The following CDH23 variants were observed in gnomAD, a reference collection of about 807,000 sequenced individuals.
The protein encoded by CDH23 is cadherin related 23.
A neutral mutation model predicts 317.1 loss-of-function variants in CDH23; 189 were observed. The observed-to-expected ratio is 0.60, with a 90% confidence interval of 0.53 to 0.67. CDH23 has a LOEUF of 0.67. Ranked by LOEUF, CDH23 falls within the 30% of genes least tolerant of loss-of-function variation. The pLI is 0.00. For missense variants in CDH23, 4,401 were observed against 4,592.4 expected, an observed-to-expected ratio of 0.96 and a Z score of 1.20; for synonymous variants, 1,839 against 1,876.8, an observed-to-expected ratio of 0.98 and a Z score of 0.52.
chr10:71,726,478 C>CT (rs1334290076), intron 30 of CDH23, among the ~76,000 whole-genome samples: 3 of 152,204 alleles, frequency 2.0e-5, no homozygotes, highest in Non-Finnish European at 4.4e-5. Context: ...GACCCAGCTC[C>CT]TGCTGACACC....
chr10:71,448,314 G>T (rs1213107918), intron 3 of CDH23, among the ~76,000 whole-genome samples: 1 of 152,238 alleles, frequency 6.6e-6, no homozygotes, highest in Non-Finnish European at 1.5e-5. Flanking sequence ...GCTCTTGATT[G>T]TCTTTTGCAA....
At chr10:71,505,849 A>G (rs976406439) in intron 3 of CDH23, among the ~76,000 whole-genome samples, 1 of 152,250 alleles carries the variant, frequency 6.6e-6, no homozygotes, top group African/African-American at 2.4e-5. Context: ...TAAACATAGA[A>G]TTACTGTATG....
intron 19 of CDH23, among the ~76,000 whole-genome samples, chr10:71,688,939 AGCCAACG>A (rs1865044264): frequency 1.9e-5 from 2 of 106,546 alleles, no homozygotes; most frequent in African/African-American, 3.1e-5. Context: ...GGGGTGGTGG[AGCCAACG>A]GTGGTGGAGT....
intron 3 of CDH23, among the ~76,000 whole-genome samples, chr10:71,454,829 A>G (rs991119126): frequency 6.9e-6 from 1 of 144,688 alleles, no homozygotes; most frequent in Non-Finnish European, 1.5e-5. Context: ...TACATACTAT[A>G]TTTTTTTTAC....
intron 9 of CDH23, among the ~76,000 whole-genome samples, chr10:71,610,260 C>T (rs1860794694): frequency 6.6e-6 from 1 of 152,228 alleles, no homozygotes. Context: ...ACCTCGGCCT[C>T]CCAATGTGCT....
rs755360604 is a variant in CDH23, at chr10:71,809,827, G to A, written c.8730G>A (p.Met2910Ile). Residue 2910 changes from methionine (M) to isoleucine (I), a missense_variant, in exon 61 of 70, where the codon ATG becomes ATA. By Grantham distance (10) the Met-to-Ile change is conservative (BLOSUM62 1). Around this residue, in one of 3 missense-constraint regions of CDH23, gnomAD observed 1,144 missense variants for 1,138.2 expected, o/e 1.01. Coordinates refer to ENST00000224721, the MANE Select transcript of CDH23 (RefSeq NM_022124.6). ...DVGQVFTMGSMDGILRTFDLF... is the reference protein window; with the variant it reads ...DVGQVFTMGSIDGILRTFDLF... ...CCTTTGGGCTTCCTGCAGGGAGCAT[G>A]GACGGCATTCTGCGCACCTTCGACC... The A allele has an allele frequency of 6.8e-6, 11 of 1,612,106 alleles. No homozygotes were observed. Among genetic ancestry groups the A allele is most frequent in the Non-Finnish European group, 9.3e-6 (11 of 1,179,152 alleles).
chr10:71,742,165 A>G (rs1839755152), intron 38 of CDH23: 1 of 553,950 alleles, frequency 1.8e-6, no homozygotes, highest in South Asian at 2.5e-5. Flanking sequence ...AGCTCTGTTT[A>G]GTCCTCTTTT....
chr10:71,592,118 TAAG>T (rs1859533073), intron 9 of CDH23, among the ~76,000 whole-genome samples: 1 of 152,104 alleles, frequency 6.6e-6, no homozygotes, highest in South Asian at 2.1e-4. Flanking sequence ...TGGGCCAAGC[TAAG>T]GAGTGTGGAT....
At chr10:71,417,054 C>A (rs1279050507) in intron 1 of CDH23, among the ~76,000 whole-genome samples, 3 of 104,764 alleles carry the variant, frequency 2.9e-5, no homozygotes, top group Non-Finnish European at 6.2e-5. Context: ...TCTTTTTTGT[C>A]TTTTCCTTTC....
In CDH23 at chr10:71,794,070, C is replaced by T. The variant is rs1268093806; in HGVS notation, c.6712+430C>T. Reference sequence around the variant, plus strand: ...AGGCTGGAGTGCAATGGTGCAATCTCGGCTCACTGCAACCCCTGCCTCCTG... The same window carrying T: ...AGGCTGGAGTGCAATGGTGCAATCTTGGCTCACTGCAACCCCTGCCTCCTG... On this transcript the variant is annotated intron_variant, in intron 48 of 69. Coordinates refer to ENST00000224721, the MANE Select transcript of CDH23 (RefSeq NM_022124.6). Among the ~76,000 whole-genome samples the T allele has an allele frequency of 2.0e-5, 3 of 152,022 alleles. No individual in the cohort carries two copies. The East Asian group carries it at 5.8e-4, about 29-fold the overall frequency.
chr10:71,518,982 C>T (rs906699761), intron 6 of CDH23, among the ~76,000 whole-genome samples: 90 of 152,322 alleles, frequency 5.9e-4, no homozygotes, highest in Non-Finnish European at 1.2e-3. Flanking sequence ...CACAGCACCA[C>T]GAAAGAGGAC....
At chr10:71,722,636 G>T (rs974929871) in intron 28 of CDH23, among the ~76,000 whole-genome samples, 2 of 152,244 alleles carry the variant, frequency 1.3e-5, no homozygotes, top group Admixed American at 1.3e-4. Flanking sequence ...GTGACCAGGG[G>T]TAGGGAAGGC....
chr10:71,715,697 T>A, intron 28 of CDH23: 2 of 394,582 alleles, frequency 5.1e-6, no homozygotes, highest in East Asian at 8.0e-5. Context: ...TGCACATCTC[T>A]TGACCAGAAG....
intron 6 of CDH23, among the ~76,000 whole-genome samples, chr10:71,520,689 A>C (rs1451663621): frequency 1.3e-5 from 2 of 152,322 alleles, no homozygotes; most frequent in Admixed American, 1.3e-4. Context: ...TTCTTGATGC[A>C]GGTCACAGGT....
At chr10:71,542,039 G>A (rs1335602426) in intron 6 of CDH23, among the ~76,000 whole-genome samples, 2 of 152,186 alleles carry the variant, frequency 1.3e-5, no homozygotes, top group Non-Finnish European at 1.5e-5. Flanking sequence ...AGACGGTAAG[G>A]ACTTTTTTCC....
At chr10:71,739,598 C>T in intron 35 of CDH23, 46 bp from the exon 36 acceptor site, 1 of 1,597,376 alleles carries the variant, frequency 6.3e-7, no homozygotes, top group Non-Finnish European at 8.5e-7. Flanking sequence ...ACCTGGCCAC[C>T]TCTCCTCCAC....
intron 34 of CDH23, among the ~76,000 whole-genome samples, chr10:71,737,022 G>A (rs969440215): frequency 6.6e-6 from 1 of 152,170 alleles, no homozygotes; most frequent in Non-Finnish European, 1.5e-5. Flanking sequence ...GAGGAAACAC[G>A]GTGAGTCTAA....
chr10:71,405,255 T>C (rs75107339), intron 1 of CDH23, among the ~76,000 whole-genome samples: 621 of 152,232 alleles, frequency 4.1e-3, no homozygotes, highest in Non-Finnish European at 6.9e-3. Context: ...TTCCTTCTCC[T>C]GCTCCGAACT....
At position 71,725,486 on chromosome 10, in the gene CDH23, A is replaced by G; in HGVS notation, c.3545A>G (p.Asn1182Ser). 1.2e-6 allele frequency: 2 copies of G among 1,613,844 alleles called. No homozygotes were observed. The highest frequency in any genetic ancestry group is 1.7e-6 in the Non-Finnish European group (2 of 1,179,834). Reference protein sequence around the residue: ...SSHVLIVEAYNHDLGPMRSSV... With the variant: ...SSHVLIVEAYSHDLGPMRSSV... ...CACGTGCTGATAGTGGAGGCCTACA[A>G]CCACGACCTGGGCCCCATGCGGAGC... Residue 1182 changes from asparagine to serine, a missense_variant, in exon 30 of 70, where the codon AAC (asparagine) becomes AGC (serine). Coordinates refer to ENST00000224721, the MANE Select transcript of CDH23 (RefSeq NM_022124.6).
Sources: gnomAD v4.1 joint callset for allele counts (sites outside exome capture counted in the v4.1 genomes callset) on GRCh38, gnomAD v4.1.1 for gene constraint, gnomAD v4.1.1 regional missense constraint, MANE v1.5 for transcripts, NCBI Gene and HGNC (gene_info 2026-07-23, HGNC 2026-07-21) for gene names.